Variants in CNTFR observed in about 807,000 individuals in gnomAD.
CNTFR encodes the protein ciliary neurotrophic factor receptor subunit alpha.
CNTFR carries 12 observed loss-of-function variants against 40.4 expected under a neutral mutation model. The observed-to-expected ratio is 0.30, with a 90% CI of 0.19 to 0.48. CNTFR has a LOEUF of 0.48. Among genes scored for constraint, CNTFR ranks in the 20% least tolerant of loss-of-function variants. CNTFR has a pLI of 0.99. For synonymous variants in CNTFR, 202 were observed against 209.6 expected, an observed-to-expected ratio of 0.96 and a Z score of 0.31; for missense variants, 414 against 506.8, an observed-to-expected ratio of 0.82 and a Z score of 1.76.
In CNTFR at chr9:34,556,340, G is replaced by A. The variant is rs762360397; in HGVS notation, c.683C>T (p.Thr228Ile). The A allele has an allele frequency of 8.1e-6, 13 of 1,613,974 alleles. No individual in the cohort carries two copies. The highest frequency in any genetic ancestry group is 1.7e-6 in the Non-Finnish European group (2 of 1,179,994). ...NPRRLEVTWQ[T>I]PSTWPDPESF... ...CTCAGGGTCAGGCCAGGTCGAGGGG[G>A]TCTGCCACGTCACCTCCAGCCGGCG... The change falls in exon 7 of 10, where the codon ACC becomes ATC. Residue 228 changes from threonine to isoleucine, a missense_variant. Thr to Ile is a moderately conservative substitution (Grantham distance 89). Around this residue, in one of 3 missense-constraint regions of CNTFR, gnomAD observed 83 missense variants for 145.0 expected, o/e 0.57. Coordinates refer to ENST00000378980, the MANE Select transcript of CNTFR (RefSeq NM_147164.3).
rs956510546 is a variant in CNTFR at position 34,557,100 on chromosome 9, G to GGT, written c.604+425_604+426insAC. Among the ~76,000 whole-genome samples the GGT allele has an allele frequency of 3.7e-5, 4 of 109,194 alleles. No homozygotes were observed. The highest frequency in any genetic ancestry group is 1.4e-4 in the African/African-American group (4 of 28,794). 71.6% of individuals were successfully genotyped at this position (109,194 alleles called of 152,430 possible). ...GGCAGGTAGAGGGTCTGGCTGGGAT[G>GGT]GGGGGGGTCAGGGGGAGGGCAGTAT... On this transcript the variant is annotated intron_variant, in intron 6 of 9. Transcript: ENST00000378980. This position sits in a 1 kb window ranked among gnomAD's most constrained non-coding sequence, Gnocchi z 4.2.
At chr9:34,560,141 G>C (rs1172353734) in intron 4 of CNTFR, among the ~76,000 whole-genome samples, 2 of 152,206 alleles carry the variant, frequency 1.3e-5, no homozygotes, top group East Asian at 3.8e-4. Context: ...GAAAAGGAGT[G>C]ACTTGCTGCA....
At chr9:34,576,182 G>C (rs1826952158) in intron 2 of CNTFR, among the ~76,000 whole-genome samples, 1 of 152,126 alleles carries the variant, frequency 6.6e-6, no homozygotes, top group Admixed American at 6.5e-5. Flanking sequence ...CGCAGACACT[G>C]GCATTCAGAG....
chr9:34,579,577 G>A (rs945567836), intron 2 of CNTFR, among the ~76,000 whole-genome samples: 3 of 151,918 alleles, frequency 2.0e-5, no homozygotes, highest in African/African-American at 7.3e-5. Flanking sequence ...AGGCTGAGAT[G>A]GACAGAGAGA....
At position 34,552,610 on chromosome 9, in the gene CNTFR, C is replaced by T. The variant is rs1825682659; in HGVS notation, c.949+64G>A. On this transcript the variant is annotated intron_variant, in intron 8 of 9. Transcript: ENST00000378980. The surrounding 1 kb of genome is among the most constrained non-coding windows in gnomAD (Gnocchi z 5.1). Reference sequence around the variant, plus strand: ...TGGAGGCAGCAGGGTAGAACCAGGCCACAGGTTCTACCACAGGCCTCCAGG... The same window carrying T: ...TGGAGGCAGCAGGGTAGAACCAGGCTACAGGTTCTACCACAGGCCTCCAGG... The T allele has an allele frequency of 6.6e-7, 1 of 1,526,168 alleles. No individual in the cohort carries two copies. Among genetic ancestry groups the T allele is most frequent in the Non-Finnish European group, 8.9e-7 (1 of 1,127,746 alleles). 94.5% of individuals were successfully genotyped at this position (1,526,168 alleles called of 1,614,324 possible). A position where few individuals can be genotyped will look rare whatever the true frequency, so the allele number is the denominator to read the frequency against.
chr9:34,560,966 G>C (rs748942792), intron 4 of CNTFR, among the ~76,000 whole-genome samples: 2 of 152,200 alleles, frequency 1.3e-5, no homozygotes, highest in Non-Finnish European at 2.9e-5. Context: ...CATGAGGCCT[G>C]CCCGCCGGCC....
At chr9:34,590,793 A>C (rs149568655), upstream of CNTFR, among the ~76,000 whole-genome samples, 1 of 152,210 alleles carries the variant, frequency 6.6e-6, no homozygotes, top group Non-Finnish European at 1.5e-5. Context: ...GCTGCAACAT[A>C]GGAGAGTAAG....
intron 1 of CNTFR, among the ~76,000 whole-genome samples, chr9:34,582,036 G>A (rs781106109): frequency 6.6e-6 from 1 of 152,134 alleles, no homozygotes; most frequent in African/African-American, 2.4e-5. Flanking sequence ...CACTTTGGGA[G>A]GCTGAAGCAG....
intron 3 of CNTFR, among the ~76,000 whole-genome samples, chr9:34,566,809 C>T (rs1826318344): frequency 1.3e-5 from 2 of 152,292 alleles, no homozygotes; most frequent in African/African-American, 2.4e-5. Context: ...CCGAACAACA[C>T]ATTACATACA....
intron 3 of CNTFR, among the ~76,000 whole-genome samples, chr9:34,566,596 C>A (rs562907116): frequency 6.6e-6 from 1 of 152,252 alleles, no homozygotes; most frequent in East Asian, 1.9e-4. Context: ...ATGCCAAGCC[C>A]CTCTCTCTGC....
At chr9:34,574,119 G>A (rs1254418432) in intron 2 of CNTFR, among the ~76,000 whole-genome samples, 4 of 151,890 alleles carry the variant, frequency 2.6e-5, no homozygotes, top group Middle Eastern at 3.4e-3. Context: ...AGAGGCCTGA[G>A]CGGTCCAGAG....
chr9:34,565,497 G>C (rs1036280236), intron 3 of CNTFR, among the ~76,000 whole-genome samples: 1 of 152,130 alleles, frequency 6.6e-6, no homozygotes, highest in Non-Finnish European at 1.5e-5. Flanking sequence ...AGAATGGGCA[G>C]CAGGGAACCC....
At chr9:34,573,827 A>G (rs1343936760) in intron 2 of CNTFR, among the ~76,000 whole-genome samples, 2 of 152,214 alleles carry the variant, frequency 1.3e-5, no homozygotes, top group African/African-American at 2.4e-5. Flanking sequence ...ACGCCTGGGG[A>G]CTCTAGAAGC....
intron 1 of CNTFR, among the ~76,000 whole-genome samples, chr9:34,585,239 G>A (rs1409207066): frequency 1.3e-5 from 2 of 152,156 alleles, no homozygotes; most frequent in Non-Finnish European, 2.9e-5. Context: ...CTTGAGTCAC[G>A]TAGAGCTCAG....
At chr9:34,562,070 A>G (rs1826098406) in intron 4 of CNTFR, among the ~76,000 whole-genome samples, 2 of 152,202 alleles carry the variant, frequency 1.3e-5, no homozygotes, top group Admixed American at 1.3e-4. Context: ...CTCAAAGAAG[A>G]TCACATCATC....
At position 34,557,665 on chromosome 9, in the gene CNTFR, C is replaced by G; in HGVS notation, c.465G>C (p.Glu155Asp). The change falls in exon 6 of 10, where the codon GAG (glutamate) becomes GAC (aspartate). Residue 155 changes from glutamate (E) to aspartate (D), a missense_variant. Physicochemically the swap from Glu to Asp is conservative, Grantham distance 45. This residue lies in a region of CNTFR where 250 missense variants were observed against 269.5 expected (regional missense o/e 0.93). Transcript: ENST00000378980. The surrounding 1 kb of genome is among the most constrained non-coding windows in gnomAD (Gnocchi z 4.2). Reference sequence around the variant, plus strand: ...AGCGGTTCTTGAGGGCTGGGTCCTTCTCACAGACCATAATTTTGGAGCCAT... The same window carrying G: ...AGCGGTTCTTGAGGGCTGGGTCCTTGTCACAGACCATAATTTTGGAGCCAT... ...VLHGSKIMVC[E>D]KDPALKNRCH... 6.2e-7 allele frequency: 1 copy of G among 1,614,200 alleles called. No homozygotes were observed. Among genetic ancestry groups the G allele is most frequent in the Non-Finnish European group, 8.5e-7 (1 of 1,180,020 alleles).
At position 34,552,081 on chromosome 9, in the gene CNTFR, C is replaced by T. The variant is rs371654955; in HGVS notation, c.*-10G>A. 1.9e-6 allele frequency: 3 copies of T among 1,567,342 alleles called. No homozygotes were observed. The highest frequency in any genetic ancestry group is 2.6e-6 in the Non-Finnish European group (3 of 1,143,072). On this transcript the variant is annotated splice_polypyrimidine_tract_variant and intron_variant, in intron 9 of 9. Coordinates refer to ENST00000378980, the MANE Select transcript of CNTFR (RefSeq NM_147164.3). The surrounding 1 kb of genome is among the most constrained non-coding windows in gnomAD (Gnocchi z 5.1). ...CATGGGGTGCCGGGCTCTGTAGAGA[C>T]AGGCAGGGGCCTGTCAGGGAGGGGG...
intron 4 of CNTFR, among the ~76,000 whole-genome samples, chr9:34,559,805 C>T (rs1277017867): frequency 6.6e-6 from 1 of 152,132 alleles, no homozygotes; most frequent in Non-Finnish European, 1.5e-5. Flanking sequence ...TCCCTGCTGC[C>T]CCGGACTCCT....
At position 34,552,421 on chromosome 9, in the gene CNTFR, T is replaced by G; in HGVS notation, c.950-92A>C. 1 of 1,335,274 alleles carries G rather than the reference T, an allele frequency of 7.5e-7. No individual in the cohort carries two copies. 82.7% of individuals were successfully genotyped at this position (1,335,274 alleles called of 1,614,324 possible). A position where few individuals can be genotyped will look rare whatever the true frequency, so the allele number is the denominator to read the frequency against. The stretch of plus-strand genomic sequence containing the variant: ...GAGACATACCATTCTGCTTCCTGCA[T>G]CAGACTGGTACTGCCTCCCCCATCA... On this transcript the variant is annotated intron_variant, in intron 8 of 9. Coordinates refer to ENST00000378980, the MANE Select transcript of CNTFR (RefSeq NM_147164.3). The surrounding 1 kb of genome is among the most constrained non-coding windows in gnomAD (Gnocchi z 5.1).
Sources: allele counts gnomAD v4.1 joint callset (sites outside exome capture counted in the v4.1 genomes callset), GRCh38; gene constraint gnomAD v4.1.1; regional missense constraint gnomAD v4.1.1; non-coding constraint Gnocchi (gnomAD v3.1); transcripts MANE v1.5; gene names NCBI Gene and HGNC (gene_info 2026-07-23, HGNC 2026-07-21).